The following PSG4 variants were observed in gnomAD, a reference collection of about 807,000 sequenced individuals.
The protein encoded by PSG4 is pregnancy-specific beta-1-glycoprotein 4.
PSG4 carries 61 observed loss-of-function variants against 44.3 expected under a neutral mutation model. The ratio of observed to expected loss-of-function variants is 1.38; its 90% CI spans 1.12 to 1.70. PSG4 has a LOEUF of 1.70. Among genes scored for constraint, PSG4 ranks in the 40% most tolerant of loss-of-function variants. The pLI is 0.00. For synonymous variants in PSG4, 248 were observed against 191.3 expected, an observed-to-expected ratio of 1.30 and a Z score of -2.45; for missense variants, 677 against 511.7, an observed-to-expected ratio of 1.32 and a Z score of -3.12.
Position 43,197,289 on chromosome 19 carries a change from C to T in PSG4, c.709+708G>A, listed in dbSNP as rs758061596. 5.2e-4 allele frequency among the ~76,000 whole-genome samples: 76 copies of T among 145,418 alleles called. 9 individuals carry two copies. The highest frequency in any genetic ancestry group is 5.5e-4 in the Admixed American group (8 of 14,634). ...AGGGCAGGTGGCTTTTCCCTGATAG[C>T]TAGATAGACTTCACTGGAAAACATA... is the stretch of plus-strand genomic sequence containing the variant. On this transcript the variant is annotated intron_variant, in intron 3 of 5. Coordinates refer to ENST00000405312, the MANE Select transcript of PSG4 (RefSeq NM_002780.5).
chr19:43,205,495 G>A lies in PSG4; in HGVS notation c.42C>T (p.Thr14=), dbSNP rs12985206. 0.57 allele frequency: 861,992 copies of A among 1,511,240 alleles called. 265,048 individuals carry two copies. The highest frequency in any genetic ancestry group is 0.9 in the East Asian group (30,508 of 33,948). The allele number at this position is 1,511,240 out of a possible 1,614,324, so 93.6% of individuals were successfully genotyped here. A position where few individuals can be genotyped will look rare whatever the true frequency, so the allele number is the denominator to read the frequency against. Residue 14 remains threonine, a synonymous_variant, in exon 1 of 6, where the codon ACC becomes ACT. Coordinates refer to ENST00000405312, the MANE Select transcript of PSG4 (RefSeq NM_002780.5). Reference sequence around the variant, plus strand: ...CACCTGTGAGCAGGACCCCCTTCCAGGTGATGCGCTGTGTGCAGGGAGGGG... The same window carrying A: ...CACCTGTGAGCAGGACCCCCTTCCAAGTGATGCGCTGTGTGCAGGGAGGGG... ...LSAPPCTQRI[T]WKGVLLTASL...
In PSG4 at chr19:43,194,394, G is replaced by A. The variant is rs138668740; in HGVS notation, c.1189C>T (p.Arg397Cys). 57 of 1,612,432 alleles carry A rather than the reference G, an allele frequency of 3.5e-5. 2 individuals carry two copies. The highest frequency in any genetic ancestry group is 1.7e-4 in the Middle Eastern group (1 of 6,046). Residue 397 changes from arginine (R) to cysteine (C), a missense_variant, in exon 5 of 6, where the codon CGT (arginine) becomes TGT (cysteine). Arg to Cys is a radical substitution (Grantham distance 180). Coordinates refer to ENST00000405312, the MANE Select transcript of PSG4 (RefSeq NM_002780.5). ...KHSGLYACSV[R>C]NSATGKESSK... is the part of the protein sequence containing the mutation. ...CTTTCCTTGCCAGTGGCTGAGTTAC[G>A]AACAGAGCAAGCATAGAGCCCACTA...
At chr19:43,197,620 C>G (rs1207592724) in intron 3 of PSG4, 1 of 286,030 alleles carries the variant, frequency 3.5e-6, no homozygotes, top group Non-Finnish European at 6.3e-6. Flanking sequence ...AATAAAGTCA[C>G]AGGTGACATT....
In PSG4 at chr19:43,205,104, C is replaced by CTTTTCTCTTTTT. The variant is rs1254623047; in HGVS notation, c.64+368_64+369insAAAAAGAGAAAA. On this transcript the variant is annotated intron_variant, in intron 1 of 5. Coordinates refer to ENST00000405312, the MANE Select transcript of PSG4 (RefSeq NM_002780.5). Reference sequence around the variant, plus strand: ...CCTTTTCTTCTTTTTTCTTTTTTTCCTTTTTTCTTTTTTTTTTTTTTGAGA... The same window carrying CTTTTCTCTTTTT: ...CCTTTTCTTCTTTTTTCTTTTTTTCCTTTTCTCTTTTTTTTTTTCTTTTTTTTTTTTTTGAGA... 2.6e-4 allele frequency among the ~76,000 whole-genome samples: 14 copies of CTTTTCTCTTTTT among 54,056 alleles called. 1 individual carries two copies. The highest frequency in any genetic ancestry group is 1.3e-3 in the African/African-American group (13 of 9,960). The allele number at this position is 54,056 out of a possible 152,430, so 35.5% of individuals were successfully genotyped here.
Position 43,195,079 on chromosome 19 carries a change from T to C in PSG4, c.904A>G (p.Arg302Gly). Residue 302 changes from arginine to glycine, a missense_variant, in exon 4 of 6, where the codon AGA becomes GGA. Transcript: ENST00000405312. ...CATTGATAAGGTCCTGTTTCATTTC[T>C]CGTGACATTGGGTAGAATGAGGATC... ...NRILILPNVTRNETGPYQCEI... is the reference protein window; with the variant it reads ...NRILILPNVTGNETGPYQCEI... 1 of 1,611,394 alleles carries C rather than the reference T, an allele frequency of 6.2e-7. No homozygotes were observed. Among genetic ancestry groups the C allele is most frequent in the Non-Finnish European group, 8.5e-7 (1 of 1,179,058 alleles).
chr19:43,200,337 A>G (rs1203036889), intron 2 of PSG4, among the ~76,000 whole-genome samples: 1 of 143,964 alleles, frequency 6.9e-6, no homozygotes, highest in Non-Finnish European at 1.5e-5. Flanking sequence ...CAGTATTCCC[A>G]TTATGTGTAT....
chr19:43,204,092 A>T lies in PSG4; in HGVS notation c.224T>A (p.Leu75His). Residue 75 changes from leucine (L) to histidine (H), a missense_variant, in exon 2 of 6, where the codon CTC (leucine) becomes CAC (histidine). By Grantham distance (99) the Leu-to-His change is moderately conservative. Coordinates refer to ENST00000405312, the MANE Select transcript of PSG4 (RefSeq NM_002780.5). ...YIWYKGQMTY[L>H]YHYITSYVVD... is the part of the protein sequence containing the mutation. ...TACATATGATGTAATGTAATGGTAG[A>T]GGTATGTCATTTGCCCTTTGTACCA... 1 of 1,586,498 alleles carries T rather than the reference A, an allele frequency of 6.3e-7. No individual in the cohort carries two copies. The highest frequency in any genetic ancestry group is 8.5e-7 in the Non-Finnish European group (1 of 1,170,968).
chr19:43,201,967 A>G (rs1191386263), intron 2 of PSG4, among the ~76,000 whole-genome samples: 1 of 144,292 alleles, frequency 6.9e-6, no homozygotes, highest in Non-Finnish European at 1.5e-5. Context: ...ATACAGTAGA[A>G]GCTCATTCTC....
chr19:43,194,371 T>C lies in PSG4; in HGVS notation c.1212A>G (p.Glu404=). Reference sequence around the variant, plus strand: ...CTTTGACTGTGATGGATTTGGAGCTTTCCTTGCCAGTGGCTGAGTTACGAA... The same window carrying C: ...CTTTGACTGTGATGGATTTGGAGCTCTCCTTGCCAGTGGCTGAGTTACGAA... ...CSVRNSATGK[E]SSKSITVKVS... is the part of the protein sequence containing the mutation. Residue 404 remains glutamate, a synonymous_variant, in exon 5 of 6, where the codon GAA becomes GAG. Coordinates refer to ENST00000405312, the MANE Select transcript of PSG4 (RefSeq NM_002780.5). The C allele has an allele frequency of 6.2e-7, 1 of 1,612,420 alleles. No homozygotes were observed.
At chr19:43,202,598 G>A (rs1342963865) in intron 2 of PSG4, among the ~76,000 whole-genome samples, 2 of 144,476 alleles carry the variant, frequency 1.4e-5, no homozygotes, top group African/African-American at 2.7e-5. Flanking sequence ...GTGTGAGTGG[G>A]GAAAGAAAAC....
In PSG4 at chr19:43,204,334, C is replaced by A; in HGVS notation, c.65-83G>T. 2 of 1,415,068 alleles carry A rather than the reference C, an allele frequency of 1.4e-6. 1 individual carries two copies. The highest frequency in any genetic ancestry group is 5.5e-5 in the East Asian group (2 of 36,150). 87.7% of individuals were successfully genotyped at this position (1,415,068 alleles called of 1,614,324 possible). ...TGGGTCCTGAGAAGGTCTCTTCAATCCTCAGCCTTGAAGACACACAAACAC... is the reference window on the plus strand; with the variant it reads ...TGGGTCCTGAGAAGGTCTCTTCAATACTCAGCCTTGAAGACACACAAACAC... On this transcript the variant is annotated intron_variant, in intron 1 of 5. Coordinates refer to ENST00000405312, the MANE Select transcript of PSG4 (RefSeq NM_002780.5).
chr19:43,204,699 C>CCCCCCCCCCCCCG (rs58719697), intron 1 of PSG4: 1 of 190,912 alleles, frequency 5.2e-6, no homozygotes, highest in African/African-American at 4.1e-5. Flanking sequence ...TGTCTTCCCC[C>CCCCCCCCCCCCCG]CACGATGACT....
Position 43,196,240 on chromosome 19 carries a change from G to A in PSG4, c.710-967C>T, listed in dbSNP as rs948426067. ...GGACATTCTACTCTCTGATTCCCTG[G>A]GTTCGACTACTCTAGGGACCTCATG... On this transcript the variant is annotated intron_variant, in intron 3 of 5. Coordinates refer to ENST00000405312, the MANE Select transcript of PSG4 (RefSeq NM_002780.5). Among the ~76,000 whole-genome samples, 11 of 151,468 alleles carry A rather than the reference G, an allele frequency of 7.3e-5. 2 individuals are homozygous for A. Among genetic ancestry groups the A allele is most frequent in the African/African-American group, 2.7e-4 (11 of 41,094 alleles).
chr19:43,199,988 CAA>C (rs1224364324), intron 2 of PSG4, among the ~76,000 whole-genome samples: 1 of 144,756 alleles, frequency 6.9e-6, no homozygotes, highest in Non-Finnish European at 1.5e-5. Flanking sequence ...GGAAGGATGC[CAA>C]ATTAAAAGAA....
chr19:43,201,011 A>C (rs549899313), intron 2 of PSG4, among the ~76,000 whole-genome samples: 1 of 146,196 alleles, frequency 6.8e-6, no homozygotes, highest in South Asian at 2.1e-4. Flanking sequence ...TAGCAGGTTG[A>C]GGATGGAGTC....
Position 43,199,667 on chromosome 19 carries a change from C to T in PSG4, c.431-1392G>A, listed in dbSNP as rs1296668954. Among the ~76,000 whole-genome samples, 6 of 144,434 alleles carry T rather than the reference C, an allele frequency of 4.2e-5. 2 individuals carry two copies. The highest frequency in any genetic ancestry group is 1.6e-4 in the African/African-American group (6 of 37,460). The allele number at this position is 144,434 out of a possible 152,430, so 94.8% of individuals were successfully genotyped here. On this transcript the variant is annotated intron_variant, in intron 2 of 5. Transcript: ENST00000405312. ...TCAATTTGTAATACTGTAATTTTCC[C>T]GTAAAAAGTTGTCAGGAATTTAGAC...
Position 43,193,179 on chromosome 19 carries a change from C to A in PSG4, c.*193G>T. 1 of 742,760 alleles carries A rather than the reference C, an allele frequency of 1.3e-6. No homozygotes were observed. Among genetic ancestry groups the A allele is most frequent in the Non-Finnish European group, 2.5e-6 (1 of 405,692 alleles). 46.0% of individuals were successfully genotyped at this position (742,760 alleles called of 1,614,324 possible). A position where few individuals can be genotyped will look rare whatever the true frequency, so the allele number is the denominator to read the frequency against. On this transcript the variant is annotated 3_prime_UTR_variant, in exon 6 of 6. Coordinates refer to ENST00000405312, the MANE Select transcript of PSG4 (RefSeq NM_002780.5). ...GTCATCAACTTGTTATCCTGGTTTA[C>A]AGTTTGAGTAGCTGTTGTTATGGTG...
intron 2 of PSG4, among the ~76,000 whole-genome samples, chr19:43,199,820 T>G (rs1332880985): frequency 6.9e-6 from 1 of 145,648 alleles, no homozygotes; most frequent in African/African-American, 2.6e-5. Context: ...GTATTTCTCT[T>G]GAGACCAAAA....
intron 4 of PSG4, 102 bp from the exon 5 acceptor site, chr19:43,194,696 T>C (rs779362226): frequency 5.3e-6 from 8 of 1,501,594 alleles, no homozygotes; most frequent in South Asian, 1.3e-5. Context: ...AAGACACACC[T>C]TCAAGTCCCA....
Sources: allele counts gnomAD v4.1 joint callset (sites outside exome capture counted in the v4.1 genomes callset), GRCh38; gene constraint gnomAD v4.1.1; transcripts MANE v1.5; gene names NCBI Gene and HGNC (gene_info 2026-07-23, HGNC 2026-07-21).